Variants in DNM1 observed in about 807,000 individuals in gnomAD.
DNM1 encodes dynamin 1.
In DNM1, 29 loss-of-function variants were observed where a neutral mutation model predicts 104.6. That is an observed-to-expected ratio of 0.28 (90% confidence interval 0.21 to 0.38). The LOEUF (loss-of-function observed/expected upper bound fraction) is 0.38. Among genes scored for constraint, DNM1 ranks in the 10% least tolerant of loss-of-function variants. The probability of loss-of-function intolerance (pLI) is 1.00; values close to 1 mark genes in which losing one functional copy is unlikely to be tolerated. For synonymous variants in DNM1, 445 were observed against 475.8 expected, an observed-to-expected ratio of 0.94 and a Z score of 0.84; for missense variants, 640 against 1,189.4, an observed-to-expected ratio of 0.54 and a Z score of 6.79.
Position 128,219,025 on chromosome 9 carries a change from C to A in DNM1, c.386-24C>A, listed in dbSNP as rs772763746. 2.5e-6 allele frequency: 4 copies of A among 1,612,194 alleles called. No individual in the cohort carries two copies. The Admixed American group carries it at 6.7e-5, about 27-fold the overall frequency. Reference sequence around the variant, plus strand: ...CGCGGCCACGCCCCTCGCCTTGAGCCCGCCCTCTCGCCGCCCTGTCCAGTG... The same window carrying A: ...CGCGGCCACGCCCCTCGCCTTGAGCACGCCCTCTCGCCGCCCTGTCCAGTG... On this transcript the variant is annotated intron_variant, in intron 3 of 21. Coordinates refer to ENST00000372923, the MANE Select transcript of DNM1 (RefSeq NM_004408.4).
rs1311861142 is a variant in DNM1, at chr9:128,222,903, G to A, written c.1196+43G>A. The A allele has an allele frequency of 1.3e-6, 2 of 1,589,098 alleles. No individual in the cohort carries two copies. The highest frequency in any genetic ancestry group is 1.7e-6 in the Non-Finnish European group (2 of 1,158,354). ...GGAGGGTGGCTGAACCCCAGAAGTA[G>A]GGGGTCTGGGACAGAGGCACAGGGA... On this transcript the variant is annotated intron_variant, in intron 9 of 21. Transcript: ENST00000372923. This position sits in a 1 kb window ranked among gnomAD's most constrained non-coding sequence, Gnocchi z 7.8.
intron 15 of DNM1, 123 bp from the exon 16 acceptor site, chr9:128,246,271 A>G: frequency 1.4e-6 from 1 of 716,158 alleles, no homozygotes; most frequent in Non-Finnish European, 2.5e-6. Context: ...ATCTAGCTGC[A>G]CCTTCGCAGT....
Position 128,248,054 on chromosome 9 carries a change from C to A in DNM1, c.1905+119C>A. On this transcript the variant is annotated intron_variant, in intron 18 of 21. Coordinates refer to ENST00000372923, the MANE Select transcript of DNM1 (RefSeq NM_004408.4). This position sits in a 1 kb window ranked among gnomAD's most constrained non-coding sequence, Gnocchi z 5.6. ...TTCTAATTTCTGGATTGGGGCCAGG[C>A]GCAGTGGCTCACACCTGTAAACCCA... 7.2e-7 allele frequency: 1 copy of A among 1,385,290 alleles called. No homozygotes were observed. Among genetic ancestry groups the A allele is most frequent in the Non-Finnish European group, 1.0e-6 (1 of 977,072 alleles). The allele number at this position is 1,385,290 out of a possible 1,614,324, so 85.8% of individuals were successfully genotyped here.
At chr9:128,233,693 A>T in intron 10 of DNM1, 2 of 389,784 alleles carry the variant, frequency 5.1e-6, no homozygotes, top group Non-Finnish European at 9.4e-6. Context: ...GCCTTAACCT[A>T]ACCAGTCTGC....
At chr9:128,249,597 G>A (rs181999219) in intron 19 of DNM1, among the ~76,000 whole-genome samples, 4 of 151,914 alleles carry the variant, frequency 2.6e-5, no homozygotes, top group Admixed American at 6.6e-5. Context: ...CGGAGGTTGC[G>A]GTGAGCTGAG....
chr9:128,222,881 G>T lies in DNM1; in HGVS notation c.1196+21G>T, dbSNP rs765251059. 1.2e-6 allele frequency: 2 copies of T among 1,613,076 alleles called. No individual in the cohort carries two copies. The highest frequency in any genetic ancestry group is 1.1e-5 in the South Asian group (1 of 91,040). On this transcript the variant is annotated intron_variant, in intron 9 of 21. Transcript: ENST00000372923. This position sits in a 1 kb window ranked among gnomAD's most constrained non-coding sequence, Gnocchi z 7.8. ...ATTAGGCACGTATTGGGGCCTGGGA[G>T]GGTGGCTGAACCCCAGAAGTAGGGG...
In DNM1 at chr9:128,253,873, G is replaced by A; in HGVS notation, c.2535-781G>A. 4 of 1,220,746 alleles carry A rather than the reference G, an allele frequency of 3.3e-6. No homozygotes were observed. The highest frequency in any genetic ancestry group is 4.1e-6 in the Non-Finnish European group (4 of 978,960). The allele number at this position is 1,220,746 out of a possible 1,614,324, so 75.6% of individuals were successfully genotyped here. On this transcript the variant is annotated intron_variant, in intron 21 of 21. Transcript: ENST00000372923. This position sits in a 1 kb window ranked among gnomAD's most constrained non-coding sequence, Gnocchi z 5.9. Reference sequence around the variant, plus strand: ...CCAGCCAGCGGGCTCACGCACCTTGGCCTGTTGCTCCTAGGGTCACTTGTG... The same window carrying A: ...CCAGCCAGCGGGCTCACGCACCTTGACCTGTTGCTCCTAGGGTCACTTGTG...
At chr9:128,252,832 C>T (rs1829610034) in intron 21 of DNM1, 11 of 674,234 alleles carry the variant, frequency 1.6e-5, no homozygotes, top group Admixed American at 6.1e-5. Flanking sequence ...TCTGCCCACA[C>T]GTGTGCTTCA....
In DNM1 at chr9:128,224,217, G is replaced by A. The variant is rs1835199979; in HGVS notation, c.1197-34G>A. 6.2e-7 allele frequency: 1 copy of A among 1,603,244 alleles called. No homozygotes were observed. Among genetic ancestry groups the A allele is most frequent in the Admixed American group, 1.7e-5 (1 of 59,338 alleles). On this transcript the variant is annotated intron_variant, in intron 9 of 21. Transcript: ENST00000372923. The surrounding 1 kb of genome is among the most constrained non-coding windows in gnomAD (Gnocchi z 4.3). ...GCCCTCCTGGCCGGCACTGGCCTGT[G>A]ACACTCTGCCCTTCTCCCGCTCCGG...
At chr9:128,204,599 AG>A (rs1457053240) in intron 1 of DNM1, among the ~76,000 whole-genome samples, 1 of 152,148 alleles carries the variant, frequency 6.6e-6, no homozygotes, top group Non-Finnish European at 1.5e-5. Flanking sequence ...CCCCAAAGGG[AG>A]GCAGAAATAG....
At chr9:128,221,176 G>A (rs536421868) in intron 6 of DNM1, 2 of 151,948 alleles carry the variant, frequency 1.3e-5, no homozygotes, top group Non-Finnish European at 2.9e-5. Context: ...TGCAACCTCT[G>A]CCTCCTGGAT....
intron 10 of DNM1, among the ~76,000 whole-genome samples, chr9:128,233,197 G>A (rs1472106507): frequency 6.6e-6 from 1 of 152,198 alleles, no homozygotes; most frequent in Non-Finnish European, 1.5e-5. Context: ...GGAAAGAGGT[G>A]CTGCTGAGCT....
chr9:128,208,704 G>A (rs1834114270), intron 1 of DNM1, among the ~76,000 whole-genome samples: 1 of 151,104 alleles, frequency 6.6e-6, no homozygotes. Flanking sequence ...GAGGCTTGCG[G>A]CTGATCGGGG....
At position 128,219,206 on chromosome 9, in the gene DNM1, G is replaced by A. The variant is rs759118746; in HGVS notation, c.543G>A (p.Leu181=). Residue 181 remains leucine (L), a synonymous_variant, in exon 4 of 22, where the codon CTG becomes CTA. Transcript: ENST00000372923. ...CCGTGTCCCCCGCCAACTCTGACCT[G>A]GCCAATTCTGACGCCCTCAAGGTCG... The part of the protein sequence containing the change: ...ILAVSPANSD[L]ANSDALKVAK... The A allele has an allele frequency of 6.8e-5, 109 of 1,614,082 alleles. No individual in the cohort carries two copies. The highest frequency in any genetic ancestry group is 8.8e-5 in the Non-Finnish European group (104 of 1,180,062).
intron 10 of DNM1, among the ~76,000 whole-genome samples, chr9:128,225,013 A>G (rs1366928212): frequency 6.6e-6 from 1 of 151,866 alleles, no homozygotes; most frequent in Non-Finnish European, 1.5e-5. Flanking sequence ...CATCTGCCCC[A>G]CCATCCAAGC....
Position 128,224,413 on chromosome 9 carries a change from C to A in DNM1, c.1335+24C>A. 2 of 1,600,870 alleles carry A rather than the reference C, an allele frequency of 1.2e-6. No homozygotes were observed. The highest frequency in any genetic ancestry group is 1.7e-6 in the Non-Finnish European group (2 of 1,172,038). Reference sequence around the variant, plus strand: ...AGGTAACCCGGAGGCCCGGGCCAGCCCCCACCGCCTCTGCCCCGCCCTGCA... The same window carrying A: ...AGGTAACCCGGAGGCCCGGGCCAGCACCCACCGCCTCTGCCCCGCCCTGCA... On this transcript the variant is annotated intron_variant, in intron 10 of 21. Coordinates refer to ENST00000372923, the MANE Select transcript of DNM1 (RefSeq NM_004408.4). The surrounding 1 kb of genome is among the most constrained non-coding windows in gnomAD (Gnocchi z 4.3).
At chr9:128,242,460 G>A (rs767665414) in intron 15 of DNM1, 115 bp downstream of exon 15, 7 of 620,404 alleles carry the variant, frequency 1.1e-5, no homozygotes, top group East Asian at 3.0e-5. Flanking sequence ...AAAATGTCTC[G>A]TCAAAGATCC....
At position 128,203,494 on chromosome 9, in the gene DNM1, T is replaced by G. The variant is rs1161899413; in HGVS notation, c.24T>G (p.Asp8Glu). 6.5e-7 allele frequency: 1 copy of G among 1,529,854 alleles called. No homozygotes were observed. Among genetic ancestry groups the G allele is most frequent in the South Asian group, 1.2e-5 (1 of 82,286 alleles). 94.8% of individuals were successfully genotyped at this position (1,529,854 alleles called of 1,614,324 possible). A position where few individuals can be genotyped will look rare whatever the true frequency, so the allele number is the denominator to read the frequency against. The change falls in exon 1 of 22, where the codon GAT becomes GAG. Residue 8 changes from aspartate (D) to glutamate (E), a missense_variant. Asp to Glu is a conservative substitution (Grantham distance 45). Around this residue, in one of 7 missense-constraint regions of DNM1, gnomAD observed 172 missense variants for 335.3 expected, o/e 0.51. Transcript: ENST00000372923. The surrounding 1 kb of genome is among the most constrained non-coding windows in gnomAD (Gnocchi z 5.3). Reference protein sequence around the residue: MGNRGMEDLIPLVNRLQD... With the variant: MGNRGMEELIPLVNRLQD... ...CCATGGGCAACCGCGGCATGGAAGATCTCATCCCGCTGGTCAACCGGCTGC... is the reference window on the plus strand; with the variant it reads ...CCATGGGCAACCGCGGCATGGAAGAGCTCATCCCGCTGGTCAACCGGCTGC...
chr9:128,214,677 G>A lies in DNM1; in HGVS notation c.162-3554G>A, dbSNP rs560787137. 7.8e-4 allele frequency among the ~76,000 whole-genome samples: 119 copies of A among 152,272 alleles called. No individual in the cohort carries two copies. In the Middle Eastern group the frequency reaches 0.02, roughly 26 times the overall value. ...GGGGTTCCTGAGAGGTGTTTGTTTCGTCCCCTCATGTTTCACGTTTGAAGG... is the reference window on the plus strand; with the variant it reads ...GGGGTTCCTGAGAGGTGTTTGTTTCATCCCCTCATGTTTCACGTTTGAAGG... On this transcript the variant is annotated intron_variant, in intron 1 of 21. Transcript: ENST00000372923.
Sources: allele counts gnomAD v4.1 joint callset (sites outside exome capture counted in the v4.1 genomes callset), GRCh38; gene constraint gnomAD v4.1.1; regional missense constraint gnomAD v4.1.1; non-coding constraint Gnocchi (gnomAD v3.1); transcripts MANE v1.5; gene names NCBI Gene and HGNC (gene_info 2026-07-23, HGNC 2026-07-21).